SLC19A3: variants seen among roughly 807,000 people sequenced by gnomAD.
The protein encoded by SLC19A3 is solute carrier family 19 member 3, also known as thiamine transporter 2.
Under a neutral mutation model 40.2 loss-of-function variants are expected in SLC19A3, and 31 were observed. The ratio of observed to expected loss-of-function variants is 0.77; its 90% CI spans 0.58 to 1.04. The LOEUF is 1.04. SLC19A3 is among the 50% of genes least tolerant of loss of function. The probability of loss-of-function intolerance (pLI) is 0.00; values close to 1 mark genes in which losing one functional copy is unlikely to be tolerated. For synonymous variants in SLC19A3, 212 were observed against 227.5 expected, an observed-to-expected ratio of 0.93 and a Z score of 0.61; for missense variants, 592 against 596.7, an observed-to-expected ratio of 0.99 and a Z score of 0.08.
chr2:227,716,386 C>G (rs935142666), intron 1 of SLC19A3, among the ~76,000 whole-genome samples: 1 of 152,098 alleles, frequency 6.6e-6, no homozygotes, highest in African/African-American at 2.4e-5. Context: ...GACTCAGAAG[C>G]CGATACCCCA....
intron 2 of SLC19A3, chr2:227,701,739 C>T (rs1406590365): frequency 1.3e-5 from 2 of 158,602 alleles, no homozygotes; most frequent in Non-Finnish European, 2.8e-5. Flanking sequence ...GGAGATAAAG[C>T]TGTTAATGGC....
intron 4 of SLC19A3, 74 bp downstream of exon 4, chr2:227,695,815 T>A (rs1274143591): frequency 4.1e-6 from 6 of 1,459,616 alleles, no homozygotes; most frequent in Non-Finnish European, 5.8e-6. Flanking sequence ...CCTTCTGAAG[T>A]TCTTAGAGAA....
intron 1 of SLC19A3, among the ~76,000 whole-genome samples, chr2:227,711,150 G>T (rs375461246): frequency 6.6e-6 from 1 of 152,164 alleles, no homozygotes; most frequent in Non-Finnish European, 1.5e-5. Context: ...AGGCGCGGTG[G>T]CTCCCGCCTT....
intron 1 of SLC19A3, among the ~76,000 whole-genome samples, chr2:227,709,625 G>A (rs1399789467): frequency 6.6e-6 from 1 of 152,102 alleles, no homozygotes; most frequent in Non-Finnish European, 1.5e-5. Flanking sequence ...CCCAGAGGAT[G>A]GAATTCTCCC....
chr2:227,709,491 A>G (rs1696065542), intron 1 of SLC19A3, among the ~76,000 whole-genome samples: 1 of 152,140 alleles, frequency 6.6e-6, no homozygotes, highest in African/African-American at 2.4e-5. Context: ...CCCAAAAACA[A>G]CAACAACAAA....
Position 227,703,040 on chromosome 2 carries a change from A to G in SLC19A3, c.-2-720T>C, listed in dbSNP as rs1420164709. On this transcript the variant is annotated intron_variant, in intron 1 of 5. Transcript: ENST00000644224. This position sits in a 1 kb window ranked among gnomAD's most constrained non-coding sequence, Gnocchi z 4.7. ...TGCCCAAACACTGGCTTCAAACCAC[A>G]TGATCAAGATCTGAATCCAGGTCTC... 6.6e-6 allele frequency: 1 copy of G among 152,400 alleles called. No individual in the cohort carries two copies. Among genetic ancestry groups the G allele is most frequent in the Admixed American group, 6.5e-5 (1 of 15,276 alleles). 9.4% of individuals were successfully genotyped at this position (152,400 alleles called of 1,614,324 possible).
intron 2 of SLC19A3, chr2:227,700,914 T>C: frequency 7.7e-7 from 1 of 1,298,168 alleles, no homozygotes; most frequent in Non-Finnish European, 1.0e-6. Flanking sequence ...CGTACCCACC[T>C]TGACACCTGG....
rs1695808878 is a variant in SLC19A3, at chr2:227,703,747, A to AATC, written c.-2-1428_-2-1427insGAT. Among the ~76,000 whole-genome samples the AATC allele has an allele frequency of 6.6e-6, 1 of 152,136 alleles. No homozygotes were observed. The highest frequency in any genetic ancestry group is 2.4e-5 in the African/African-American group (1 of 41,436). On this transcript the variant is annotated intron_variant, in intron 1 of 5. Coordinates refer to ENST00000644224, the MANE Select transcript of SLC19A3 (RefSeq NM_025243.4). The surrounding 1 kb of genome is among the most constrained non-coding windows in gnomAD (Gnocchi z 4.7). The stretch of plus-strand genomic sequence containing the variant: ...ACTGAGGCTTGGTCATCTTCTGAAG[A>AATC]GTGGTCTTGCTGGGGTAGCATCTGC...
In SLC19A3 at chr2:227,684,980, CAAAAAAAAAAAAA is replaced by C. The variant is rs60946199; in HGVS notation, c.*2404_*2416del. 1 of 62,420 alleles carries C rather than the reference CAAAAAAAAAAAAA, an allele frequency of 1.6e-5. No homozygotes were observed. Among genetic ancestry groups the C allele is most frequent in the South Asian group, 1.4e-3 (1 of 700 alleles). The allele number at this position is 62,420 out of a possible 1,614,324, so 3.9% of individuals were successfully genotyped here. A position where few individuals can be genotyped will look rare whatever the true frequency, so the allele number is the denominator to read the frequency against. ...CCTGGGTGACAGAGCAAGATTCTAT[CAAAAAAAAAAAAA>C]AAAAAAAAAAAAGAAGAAGAAGAAA... On this transcript the variant is annotated 3_prime_UTR_variant, in exon 6 of 6. Transcript: ENST00000644224.
chr2:227,698,518 C>T (rs114164424), intron 3 of SLC19A3, among the ~76,000 whole-genome samples: 160 of 152,194 alleles, frequency 1.1e-3, no homozygotes, highest in Admixed American at 2.1e-3. Flanking sequence ...CCAGGATGGT[C>T]TCGACCTCCT....
Position 227,684,876 on chromosome 2 carries a change from G to C in SLC19A3, c.*2521C>G, listed in dbSNP as rs112697749. The C allele has an allele frequency of 6.7e-6, 1 of 149,902 alleles. No homozygotes were observed. The highest frequency in any genetic ancestry group is 1.5e-5 in the Non-Finnish European group (1 of 67,706). 9.3% of individuals were successfully genotyped at this position (149,902 alleles called of 1,614,324 possible). A position where few individuals can be genotyped will look rare whatever the true frequency, so the allele number is the denominator to read the frequency against. Reference sequence around the variant, plus strand: ...TGCACGCCTGTAATCCCAGCTACTCGGGAGGCTGAGGCAGGAGAATTGCTT... The same window carrying C: ...TGCACGCCTGTAATCCCAGCTACTCCGGAGGCTGAGGCAGGAGAATTGCTT... On this transcript the variant is annotated 3_prime_UTR_variant, in exon 6 of 6. Transcript: ENST00000644224.
In SLC19A3 at chr2:227,697,649, A is replaced by T. The variant is rs549094672; in HGVS notation, c.979+1087T>A. The stretch of plus-strand genomic sequence containing the variant: ...AAATAATGAAAACATATACACATAT[A>T]TGTATATATTTTGATATTAAAAATA... On this transcript the variant is annotated intron_variant, in intron 3 of 5. Transcript: ENST00000644224. Among the ~76,000 whole-genome samples, 3 of 152,364 alleles carry T rather than the reference A, an allele frequency of 2.0e-5. No individual in the cohort carries two copies. In the East Asian group the frequency reaches 5.8e-4, roughly 29 times the overall value.
intron 1 of SLC19A3, among the ~76,000 whole-genome samples, chr2:227,715,989 A>G (rs1266349717): frequency 6.6e-6 from 1 of 151,528 alleles, no homozygotes; most frequent in African/African-American, 2.4e-5. Context: ...CAAAAACCCC[A>G]AACAAAACAA....
In SLC19A3 at chr2:227,684,455, A is replaced by C. The variant is rs1694947054; in HGVS notation, c.*2942T>G. ...CCACCGAGTGGCTGGGATTACAGGCATGGACCACACCCGGCTAATTTTGTT... is the reference window on the plus strand; with the variant it reads ...CCACCGAGTGGCTGGGATTACAGGCCTGGACCACACCCGGCTAATTTTGTT... On this transcript the variant is annotated 3_prime_UTR_variant, in exon 6 of 6. Coordinates refer to ENST00000644224, the MANE Select transcript of SLC19A3 (RefSeq NM_025243.4). 3.9e-5 allele frequency: 6 copies of C among 152,100 alleles called. No individual in the cohort carries two copies. The South Asian group carries it at 1.2e-3, about 32-fold the overall frequency. 9.4% of individuals were successfully genotyped at this position (152,100 alleles called of 1,614,324 possible). A position where few individuals can be genotyped will look rare whatever the true frequency, so the allele number is the denominator to read the frequency against.
intron 5 of SLC19A3, among the ~76,000 whole-genome samples, chr2:227,687,860 A>G (rs143567496): frequency 6.2e-4 from 94 of 152,328 alleles, no homozygotes; most frequent in African/African-American, 2.1e-3. Context: ...ACAAACCCAA[A>G]AAAACACTAA....
rs973771730 is a variant in SLC19A3, at chr2:227,703,649, T to C, written c.-2-1329A>G. On this transcript the variant is annotated intron_variant, in intron 1 of 5. Coordinates refer to ENST00000644224, the MANE Select transcript of SLC19A3 (RefSeq NM_025243.4). The surrounding 1 kb of genome is among the most constrained non-coding windows in gnomAD (Gnocchi z 4.7). Reference sequence around the variant, plus strand: ...GGGCTTTCTCTTCTTCCTGGAATGCTGCTGGGTTTGCTGGTGCTTTCTGTC... The same window carrying C: ...GGGCTTTCTCTTCTTCCTGGAATGCCGCTGGGTTTGCTGGTGCTTTCTGTC... 1.2e-4 allele frequency among the ~76,000 whole-genome samples: 18 copies of C among 152,314 alleles called. No individual in the cohort carries two copies. Among genetic ancestry groups the C allele is most frequent in the African/African-American group, 4.3e-4 (18 of 41,564 alleles).
At chr2:227,697,457 T>A (rs1417282400) in intron 3 of SLC19A3, among the ~76,000 whole-genome samples, 1 of 152,208 alleles carries the variant, frequency 6.6e-6, no homozygotes, top group Non-Finnish European at 1.5e-5. Flanking sequence ...GATATTAAAA[T>A]CCTGACTTTC....
rs922867881 is a variant in SLC19A3 at position 227,703,297 on chromosome 2, C to T, written c.-2-977G>A. On this transcript the variant is annotated intron_variant, in intron 1 of 5. Transcript: ENST00000644224. This position sits in a 1 kb window ranked among gnomAD's most constrained non-coding sequence, Gnocchi z 4.7. ...CTCATTCCGGAATAGCAAGTCTTAC[C>T]TGGGTGGAATTCCAGGTATCCAGTG... is the stretch of plus-strand genomic sequence containing the variant. 1.3e-5 allele frequency among the ~76,000 whole-genome samples: 2 copies of T among 152,106 alleles called. No homozygotes were observed. Among genetic ancestry groups the T allele is most frequent in the African/African-American group, 4.8e-5 (2 of 41,414 alleles).
chr2:227,710,374 T>C lies in SLC19A3; in HGVS notation c.-3+7569A>G, dbSNP rs147863424. Among the ~76,000 whole-genome samples the C allele has an allele frequency of 8.9e-3, 1,353 of 152,288 alleles. 19 individuals are homozygous for C. The highest frequency in any genetic ancestry group is 0.031 in the African/African-American group (1,290 of 41,566). On this transcript the variant is annotated intron_variant, in intron 1 of 5. Coordinates refer to ENST00000644224, the MANE Select transcript of SLC19A3 (RefSeq NM_025243.4). ...CAGAAGAGCAATAAATTGGTAATTATATGTTTGCCAGACTCCATCTCTACA... is the reference window on the plus strand; with the variant it reads ...CAGAAGAGCAATAAATTGGTAATTACATGTTTGCCAGACTCCATCTCTACA...
Sources: allele counts gnomAD v4.1 joint callset (sites outside exome capture counted in the v4.1 genomes callset), GRCh38; gene constraint gnomAD v4.1.1; non-coding constraint Gnocchi (gnomAD v3.1); transcripts MANE v1.5; gene names NCBI Gene and HGNC (gene_info 2026-07-23, HGNC 2026-07-21).